Variants in PROS1 observed in about 807,000 individuals in gnomAD.
PROS1 encodes the protein protein S.
A neutral mutation model predicts 75.9 loss-of-function variants in PROS1; 29 were observed. The observed-to-expected ratio is 0.38, with a 90% CI of 0.28 to 0.52. The LOEUF (loss-of-function observed/expected upper bound fraction) is 0.52. Among genes scored for constraint, PROS1 ranks in the 20% least tolerant of loss-of-function variants. The probability of loss-of-function intolerance (pLI) is 0.83; values close to 1 mark genes in which losing one functional copy is unlikely to be tolerated. For synonymous variants in PROS1, 245 were observed against 280.6 expected (o/e 0.87, Z 1.27); for missense variants, 680 against 810.3 (o/e 0.84, Z 1.95).
intron 1 of PROS1, among the ~76,000 whole-genome samples, chr3:93,945,507 A>G (rs1478744442): frequency 6.6e-6 from 1 of 152,238 alleles, no homozygotes; most frequent in Non-Finnish European, 1.5e-5. Context: ...GGTTCAACAT[A>G]TGTAAATCAA....
intron 4 of PROS1, among the ~76,000 whole-genome samples, chr3:93,908,487 G>GA (rs1408379297): frequency 2.6e-5 from 4 of 152,032 alleles, no homozygotes; most frequent in South Asian, 2.1e-4. Flanking sequence ...CAGAGAGAGG[G>GA]AAAAAATGTG....
chr3:93,922,793 C>T (rs1708961111), intron 3 of PROS1, among the ~76,000 whole-genome samples: 1 of 151,934 alleles, frequency 6.6e-6, no homozygotes, highest in Admixed American at 6.6e-5. Context: ...TTGTTTTTAA[C>T]AGTGGAATTC....
intron 1 of PROS1, among the ~76,000 whole-genome samples, chr3:93,970,176 G>C (rs1249682932): frequency 6.6e-6 from 1 of 152,140 alleles, no homozygotes; most frequent in Non-Finnish European, 1.5e-5. Flanking sequence ...CAAAAGAGGA[G>C]GAAAATATGA....
chr3:93,935,469 G>T (rs1709168516), intron 1 of PROS1, among the ~76,000 whole-genome samples: 1 of 151,912 alleles, frequency 6.6e-6, no homozygotes, highest in Non-Finnish European at 1.5e-5. Flanking sequence ...TAGTTCTGTG[G>T]CCTGGGTCTG....
intron 3 of PROS1, among the ~76,000 whole-genome samples, chr3:93,921,439 TTAA>T (rs1708942592): frequency 6.6e-6 from 1 of 152,208 alleles, no homozygotes; most frequent in Admixed American, 6.5e-5. Context: ...GGACAATATC[TTAA>T]TAAGGGAAAC....
chr3:93,908,327 C>T lies in PROS1; in HGVS notation c.347-2184G>A, dbSNP rs995133308. Among the ~76,000 whole-genome samples the T allele has an allele frequency of 2.0e-5, 3 of 152,262 alleles. No homozygotes were observed. In the East Asian group the frequency reaches 5.8e-4, roughly 29 times the overall value. On this transcript the variant is annotated intron_variant, in intron 4 of 14. Coordinates refer to ENST00000394236, the MANE Select transcript of PROS1 (RefSeq NM_000313.4). Reference sequence around the variant, plus strand: ...AAGAAAATAAACAAGCTGAGACCTACAATTGGACCACATTACTGCCTGGAG... The same window carrying T: ...AAGAAAATAAACAAGCTGAGACCTATAATTGGACCACATTACTGCCTGGAG...
intron 1 of PROS1, among the ~76,000 whole-genome samples, chr3:93,955,278 G>T (rs993619051): frequency 1.3e-5 from 2 of 152,072 alleles, no homozygotes; most frequent in African/African-American, 4.8e-5. Context: ...CATGCCTACA[G>T]ATGTTTATTG....
At chr3:93,879,033 T>A (rs990908569) in intron 13 of PROS1, 130 bp downstream of exon 13, 5 of 944,036 alleles carry the variant, frequency 5.3e-6, no homozygotes, top group Non-Finnish European at 8.0e-6. Flanking sequence ...TGCTGGAGAT[T>A]GTGCCAAACA....
At chr3:93,946,703 C>T (rs1709406487) in intron 1 of PROS1, among the ~76,000 whole-genome samples, 1 of 151,910 alleles carries the variant, frequency 6.6e-6, no homozygotes, top group Non-Finnish European at 1.5e-5. Context: ...CATAAAAACC[C>T]TAGAAGAAAA....
intron 1 of PROS1, among the ~76,000 whole-genome samples, chr3:93,941,563 C>T (rs1231641726): frequency 6.6e-6 from 1 of 152,106 alleles, no homozygotes; most frequent in African/African-American, 2.4e-5. Context: ...AATCCTTTGC[C>T]CACTCCTCTT....
intron 2 of PROS1, 25 bp downstream of exon 2, chr3:93,927,225 C>A (rs746841647): frequency 6.2e-7 from 1 of 1,612,038 alleles, no homozygotes; most frequent in Non-Finnish European, 8.5e-7. Flanking sequence ...GATGTGTGAA[C>A]TTGATAGTTT....
chr3:93,940,482 C>T (rs1271466744), intron 1 of PROS1, among the ~76,000 whole-genome samples: 7 of 152,148 alleles, frequency 4.6e-5, no homozygotes, highest in Non-Finnish European at 8.8e-5. Flanking sequence ...TTCTAAATCT[C>T]TTAAAACTCC....
At chr3:93,878,270 G>A (rs1708219992) in intron 13 of PROS1, among the ~76,000 whole-genome samples, 1 of 151,924 alleles carries the variant, frequency 6.6e-6, no homozygotes, top group South Asian at 2.1e-4. Flanking sequence ...CTCCTTAAAG[G>A]CAGGAGATTA....
In PROS1 at chr3:93,877,121, T is replaced by C; in HGVS notation, c.1715A>G (p.Gln572Arg). Residue 572 changes from glutamine (Q) to arginine (R), a missense_variant, in exon 14 of 15, where the codon CAA becomes CGA. Gln to Arg is a conservative substitution (Grantham distance 43, BLOSUM62 1). Coordinates refer to ENST00000394236, the MANE Select transcript of PROS1 (RefSeq NM_000313.4). ...IQALSLCSDQ[Q>R]SHLEFRVNRN... ...GTTGACTCTAAATTCCAGATGAGAT[T>C]GTTGATCGGAACATAGACTTAGGGC... is the stretch of plus-strand genomic sequence containing the variant. The C allele has an allele frequency of 6.2e-7, 1 of 1,612,814 alleles. No individual in the cohort carries two copies. The highest frequency in any genetic ancestry group is 8.5e-7 in the Non-Finnish European group (1 of 1,178,872).
intron 1 of PROS1, among the ~76,000 whole-genome samples, chr3:93,952,155 C>T (rs1366625408): frequency 1.3e-5 from 2 of 152,044 alleles, no homozygotes; most frequent in African/African-American, 4.8e-5. Context: ...ACCCCACTGT[C>T]AACATTAGAT....
chr3:93,886,067 T>G (rs1050394624), intron 11 of PROS1, among the ~76,000 whole-genome samples: 1 of 152,192 alleles, frequency 6.6e-6, no homozygotes, highest in African/African-American at 2.4e-5. Flanking sequence ...AGTGTTAACA[T>G]TCTCAAGTGT....
intron 1 of PROS1, among the ~76,000 whole-genome samples, chr3:93,953,182 T>C (rs1003633077): frequency 7.9e-5 from 12 of 152,172 alleles, no homozygotes; most frequent in Non-Finnish European, 1.5e-4. Context: ...TCTGGAACTA[T>C]TCCAATCAAT....
At chr3:93,954,359 T>C (rs1432434259) in intron 1 of PROS1, among the ~76,000 whole-genome samples, 1 of 152,200 alleles carries the variant, frequency 6.6e-6, no homozygotes, top group Non-Finnish European at 1.5e-5. Context: ...AACAGCATGG[T>C]ACTGGTACCA....
At chr3:93,878,808 C>CATAGA (rs1708228951) in intron 13 of PROS1, among the ~76,000 whole-genome samples, 1 of 152,170 alleles carries the variant, frequency 6.6e-6, no homozygotes, top group African/African-American at 2.4e-5. Context: ...GTTGACAGTA[C>CATAGA]AGACTAATTC....
Sources: allele counts gnomAD v4.1 joint callset (sites outside exome capture counted in the v4.1 genomes callset), GRCh38; gene constraint gnomAD v4.1.1; transcripts MANE v1.5; gene names NCBI Gene and HGNC (gene_info 2026-07-23, HGNC 2026-07-21).